The following MAP4K2 variants were observed in gnomAD, a reference collection of about 807,000 sequenced individuals.
The protein encoded by MAP4K2 is mitogen-activated protein kinase kinase kinase kinase 2, also known as B lymphocyte serine/threonine protein kinase.
A neutral mutation model predicts 125.3 loss-of-function variants in MAP4K2; 85 were observed. That is an observed-to-expected ratio of 0.68 (90% CI 0.57 to 0.81). The LOEUF (loss-of-function observed/expected upper bound fraction) is 0.81, where lower values mean the gene tolerates loss of function less well. MAP4K2 is among the 40% of genes least tolerant of loss of function. MAP4K2 has a pLI of 0.00. For missense variants in MAP4K2, 923 were observed against 1,056.4 expected (o/e 0.87, Z 1.75); for synonymous variants, 479 against 445.1 (o/e 1.08, Z -0.96).
chr11:64,796,126 C>G (rs1446132467), intron 24 of MAP4K2, 147 bp downstream of exon 24: 1 of 683,158 alleles, frequency 1.5e-6, no homozygotes, highest in East Asian at 2.9e-5. Context: ...GGTGGGAAGG[C>G]CATCAATTGT....
rs1940186474 is a variant in MAP4K2 at position 64,785,675 on chromosome 11, G to C, written c.*3862C>G. 6.6e-6 allele frequency: 1 copy of C among 150,644 alleles called. No homozygotes were observed. The highest frequency in any genetic ancestry group is 6.6e-5 in the Admixed American group (1 of 15,102). The allele number at this position is 150,644 out of a possible 1,614,324, so 9.3% of individuals were successfully genotyped here. On this transcript the variant is annotated 3_prime_UTR_variant, in exon 32 of 32. Coordinates refer to ENST00000294066, the MANE Select transcript of MAP4K2 (RefSeq NM_004579.5). ...CAAGTTCATAGCTCACTGCAGCCTT[G>C]AACTCCTAGGCTCAAGCAATCCTCC...
chr11:64,792,488 C>T, intron 24 of MAP4K2, 66 bp from the exon 25 acceptor site: 1 of 1,373,320 alleles, frequency 7.3e-7, no homozygotes, highest in Non-Finnish European at 1.0e-6. Flanking sequence ...CTGCAGAGCC[C>T]TATGAGGTGG....
chr11:64,799,785 G>T, intron 12 of MAP4K2, 102 bp from the exon 13 acceptor site: 1 of 892,738 alleles, frequency 1.1e-6, no homozygotes, highest in Non-Finnish European at 1.8e-6. Flanking sequence ...TTTCATGACA[G>T]CCCTCTGGGA....
At chr11:64,797,407 G>A (rs1292822593) in intron 17 of MAP4K2, 27 bp from the exon 18 acceptor site, 21 of 1,562,746 alleles carry the variant, frequency 1.3e-5, no homozygotes, top group Middle Eastern at 1.7e-4. Context: ...GGCCCAGCCC[G>A]GCCGTTACCA....
At chr11:64,792,124 C>A in intron 26 of MAP4K2, 38 bp from the exon 27 acceptor site, 2 of 1,580,662 alleles carry the variant, frequency 1.3e-6, no homozygotes, top group South Asian at 1.2e-5. Flanking sequence ...TCCATTTCTC[C>A]CCCCAGAGCT....
intron 29 of MAP4K2, 40 bp from the exon 30 acceptor site, chr11:64,789,999 G>T: frequency 6.2e-7 from 1 of 1,608,296 alleles, no homozygotes; most frequent in South Asian, 1.1e-5. Context: ...CACCCATCTT[G>T]GCACCCCCTC....
At chr11:64,798,027 T>C (rs1940936435) in intron 15 of MAP4K2, among the ~76,000 whole-genome samples, 1 of 144,612 alleles carries the variant, frequency 6.9e-6, no homozygotes, top group African/African-American at 2.6e-5. Context: ...TAAGACAGAG[T>C]TTCATTCTTG....
rs146672785 is a variant in MAP4K2, at chr11:64,796,681, T to A, written c.1525A>T (p.Ile509Phe). Residue 509 changes from isoleucine (I) to phenylalanine (F), a missense_variant, in exon 22 of 32, where the codon ATC becomes TTC. This residue lies in a region of MAP4K2 where 833 missense variants were observed against 911.4 expected (regional missense o/e 0.91). Coordinates refer to ENST00000294066, the MANE Select transcript of MAP4K2 (RefSeq NM_004579.5). ...AGTTCATGCAGGTTGAGTGTGTAGA[T>A]GCCTTCCTCGGCCCCTACCACCAGG... is the stretch of plus-strand genomic sequence containing the variant. The part of the protein sequence containing the change: ...QFLVVGAEEG[I>F]YTLNLHELHE... The A allele has an allele frequency of 1.2e-6, 2 of 1,614,056 alleles. No homozygotes were observed. Among genetic ancestry groups the A allele is most frequent in the African/African-American group, 2.7e-5 (2 of 75,036 alleles).
At chr11:64,800,019 G>C (rs1592602620) in intron 12 of MAP4K2, 90 bp downstream of exon 12, 1 of 1,081,090 alleles carries the variant, frequency 9.2e-7, no homozygotes, top group East Asian at 2.6e-5. Context: ...AGCTGGAATG[G>C]TGCCAGTTAA....
At chr11:64,801,536 G>A (rs1490722866) in intron 7 of MAP4K2, 43 bp downstream of exon 7, 2 of 1,610,606 alleles carry the variant, frequency 1.2e-6, no homozygotes, top group South Asian at 2.2e-5. Context: ...GCCGGGGAGG[G>A]TCCACAGAGC....
In MAP4K2 at chr11:64,800,812, A is replaced by T. The variant is rs766024956; in HGVS notation, c.677T>A (p.Met226Lys). ...HLHPMRALML[M>K]SKSSFQPPKL... is the part of the protein sequence containing the mutation. The stretch of plus-strand genomic sequence containing the variant: ...GGGCGGCTGGAAGCTGCTCTTCGAC[A>T]TGAGCATCAGGGCCCTGTGGAGGGC... Residue 226 changes from methionine (M) to lysine (K), a missense_variant, in exon 10 of 32, where the codon ATG becomes AAG. Physicochemically the swap from Met to Lys is moderately conservative, Grantham distance 95 (BLOSUM62 -1). Transcript: ENST00000294066. The T allele has an allele frequency of 5.6e-6, 9 of 1,612,314 alleles. No individual in the cohort carries two copies. Among genetic ancestry groups the T allele is most frequent in the Admixed American group, 1.7e-5 (1 of 59,676 alleles).
intron 12 of MAP4K2, 116 bp downstream of exon 12, chr11:64,799,993 T>A: frequency 1.1e-6 from 1 of 886,678 alleles, no homozygotes; most frequent in Non-Finnish European, 1.8e-6. Context: ...AGGGCTCAGC[T>A]GAGGCCAGCT....
intron 12 of MAP4K2, 102 bp downstream of exon 12, chr11:64,800,007 T>G: frequency 1.0e-6 from 1 of 1,001,586 alleles, no homozygotes; most frequent in Admixed American, 2.1e-5. Flanking sequence ...GCCAGCTCCC[T>G]GAGCTGGAAT....
At position 64,796,981 on chromosome 11, in the gene MAP4K2, C is replaced by T. The variant is rs1175397589; in HGVS notation, c.1407+1G>A. ...CTGCAGGGCTTGGGGCAAACACTTACATGCACCTTGGGAGTTGGGGGGAGC... is the reference window on the plus strand; with the variant it reads ...CTGCAGGGCTTGGGGCAAACACTTATATGCACCTTGGGAGTTGGGGGGAGC... On this transcript the variant is annotated splice_donor_variant, in intron 20 of 31. Coordinates refer to ENST00000294066, the MANE Select transcript of MAP4K2 (RefSeq NM_004579.5). LOFTEE classifies it high-confidence loss of function. The T allele has an allele frequency of 2.5e-6, 4 of 1,613,862 alleles. No individual in the cohort carries two copies. The highest frequency in any genetic ancestry group is 1.7e-5 in the Admixed American group (1 of 60,022).
In MAP4K2 at chr11:64,788,520, A is replaced by C. The variant is rs1940298663; in HGVS notation, c.*1017T>G. 1 of 152,354 alleles carries C rather than the reference A, an allele frequency of 6.6e-6. No individual in the cohort carries two copies. Among genetic ancestry groups the C allele is most frequent in the South Asian group, 2.1e-4 (1 of 4,818 alleles). The allele number at this position is 152,354 out of a possible 1,614,324, so 9.4% of individuals were successfully genotyped here. On this transcript the variant is annotated 3_prime_UTR_variant, in exon 32 of 32. Coordinates refer to ENST00000294066, the MANE Select transcript of MAP4K2 (RefSeq NM_004579.5). The stretch of plus-strand genomic sequence containing the variant: ...CTACAGGAGAATGGCCATGCCCTCA[A>C]GATGCAGGCTCCAGCAAGGAGGACG...
chr11:64,800,670 C>T, intron 10 of MAP4K2, 94 bp downstream of exon 10: 1 of 1,502,946 alleles, frequency 6.7e-7, no homozygotes, highest in South Asian at 1.2e-5. Context: ...AAGGACAGGG[C>T]TCTTGGGGTT....
chr11:64,802,042 T>G, intron 5 of MAP4K2, 24 bp downstream of exon 5: 1 of 1,607,522 alleles, frequency 6.2e-7, no homozygotes, highest in South Asian at 1.1e-5. Flanking sequence ...ACCAGAGGTG[T>G]GGGCACCTCA....
Position 64,789,592 on chromosome 11 carries a change from T to C in MAP4K2, c.2408A>G (p.Asn803Ser), listed in dbSNP as rs1277359749. The C allele has an allele frequency of 3.7e-6, 6 of 1,606,730 alleles. No individual in the cohort carries two copies. In the African/African-American group the frequency reaches 4.0e-5, roughly 11 times the overall value. The change falls in exon 32 of 32, where the codon AAC becomes AGC. Residue 803 changes from asparagine to serine, a missense_variant. Physicochemically the swap from Asn to Ser is conservative, Grantham distance 46. Transcript: ENST00000294066. ...DIILESIPTD[N>S]PEAHSNLYIL... is the part of the protein sequence containing the mutation. ...GTAGAGGTTGCTGTGCGCCTCTGGGTTGTCAGTGGGAATGCTCTCCAGGAT... is the reference window on the plus strand; with the variant it reads ...GTAGAGGTTGCTGTGCGCCTCTGGGCTGTCAGTGGGAATGCTCTCCAGGAT...
chr11:64,800,402 A>G lies in MAP4K2; in HGVS notation c.726-10T>C, dbSNP rs1421393677. The G allele has an allele frequency of 2.5e-6, 4 of 1,613,682 alleles. No individual in the cohort carries two copies. The African/African-American group carries it at 5.3e-5, about 22-fold the overall frequency. On this transcript the variant is annotated splice_polypyrimidine_tract_variant and intron_variant, in intron 10 of 31. Transcript: ENST00000294066. ...GTGGAAATTCTGGGTCCTAGAAGGC[A>G]CAAGAGCCCCCCAGCGCCAGATCCA... is the stretch of plus-strand genomic sequence containing the variant.
Sources: gnomAD v4.1 joint callset for allele counts (sites outside exome capture counted in the v4.1 genomes callset) on GRCh38, gnomAD v4.1.1 for gene constraint, gnomAD v4.1.1 regional missense constraint, MANE v1.5 for transcripts, NCBI Gene and HGNC (gene_info 2026-07-23, HGNC 2026-07-21) for gene names.